Variants in PLD5 observed in about 807,000 individuals in gnomAD.
PLD5 encodes inactive phospholipase D5.
PLD5 carries 36 observed loss-of-function variants against 61.1 expected under a neutral mutation model. The ratio of observed to expected loss-of-function variants is 0.59; its 90% CI spans 0.45 to 0.78. PLD5 has a LOEUF of 0.78. Among genes scored for constraint, PLD5 ranks in the 30% least tolerant of loss-of-function variants. The pLI is 0.00. For missense variants in PLD5, 515 were observed against 644.4 expected, an observed-to-expected ratio of 0.80 and a Z score of 2.17; for synonymous variants, 243 against 242.8, an observed-to-expected ratio of 1.00 and a Z score of -0.01.
At chr1:242,522,669 T>A (rs766424452) in intron 1 of PLD5, among the ~76,000 whole-genome samples, 1 of 152,212 alleles carries the variant, frequency 6.6e-6, no homozygotes, top group African/African-American at 2.4e-5. Context: ...GCTCTTTGCA[T>A]GTAATGCATA....
At chr1:242,203,910 C>T (rs1669150794) in intron 5 of PLD5, among the ~76,000 whole-genome samples, 1 of 152,104 alleles carries the variant, frequency 6.6e-6, no homozygotes, top group African/African-American at 2.4e-5. Flanking sequence ...GTCTGTTTAA[C>T]TCATGAAATC....
At chr1:242,281,746 T>G (rs1284523576) in intron 3 of PLD5, among the ~76,000 whole-genome samples, 1 of 152,136 alleles carries the variant, frequency 6.6e-6, no homozygotes, top group East Asian at 1.9e-4. Context: ...ACAGTCCTTC[T>G]AGATGTTTTC....
intron 1 of PLD5, among the ~76,000 whole-genome samples, chr1:242,513,227 AG>A (rs1166809806): frequency 6.6e-6 from 1 of 152,186 alleles, no homozygotes; most frequent in Non-Finnish European, 1.5e-5. Context: ...TTCATCTGGC[AG>A]GTAGCATATG....
chr1:242,520,187 A>G (rs1669235657), intron 1 of PLD5, among the ~76,000 whole-genome samples: 1 of 152,210 alleles, frequency 6.6e-6, no homozygotes, highest in African/African-American at 2.4e-5. Flanking sequence ...AAATCATTAC[A>G]TGATTTTCCA....
At chr1:242,507,996 T>G (rs1668781335) in intron 1 of PLD5, among the ~76,000 whole-genome samples, 1 of 27,248 alleles carries the variant, frequency 3.7e-5, no homozygotes, top group South Asian at 6.0e-4. Flanking sequence ...TTTAATCTGT[T>G]TTTTTTTTTT....
At chr1:242,449,941 A>G (rs1666714617) in intron 1 of PLD5, among the ~76,000 whole-genome samples, 1 of 152,250 alleles carries the variant, frequency 6.6e-6, no homozygotes, top group African/African-American at 2.4e-5. Context: ...CCTGTGGCGT[A>G]GCGCTGTCAA....
At chr1:242,514,560 C>A (rs923281367) in intron 1 of PLD5, among the ~76,000 whole-genome samples, 1 of 151,850 alleles carries the variant, frequency 6.6e-6, no homozygotes, top group Non-Finnish European at 1.5e-5. Flanking sequence ...ATGTAACAAA[C>A]CTTCACATGT....
intron 1 of PLD5, among the ~76,000 whole-genome samples, chr1:242,452,091 A>AT (rs1666801674): frequency 6.6e-6 from 1 of 152,164 alleles, no homozygotes; most frequent in Non-Finnish European, 1.5e-5. Flanking sequence ...CTAGAAGTAC[A>AT]TTAATCACGG....
chr1:242,446,131 A>T (rs1403220572), intron 1 of PLD5, among the ~76,000 whole-genome samples: 1 of 152,068 alleles, frequency 6.6e-6, no homozygotes, highest in Admixed American at 6.6e-5. Context: ...TCACACAATG[A>T]GTGTAACATA....
At chr1:242,523,448 C>T (rs1183139711) in intron 1 of PLD5, among the ~76,000 whole-genome samples, 1 of 151,996 alleles carries the variant, frequency 6.6e-6, no homozygotes, top group African/African-American at 2.4e-5. Flanking sequence ...CCCCTCTCAC[C>T]GGCTCCCACC....
At chr1:242,182,541 A>G (rs887418944) in intron 5 of PLD5, among the ~76,000 whole-genome samples, 5 of 152,176 alleles carry the variant, frequency 3.3e-5, no homozygotes, top group African/African-American at 9.7e-5. Flanking sequence ...AAGGGCAAAT[A>G]GAAAACCAGC....
chr1:242,336,547 G>C (rs1266397523), intron 2 of PLD5, among the ~76,000 whole-genome samples: 2 of 152,174 alleles, frequency 1.3e-5, no homozygotes, highest in African/African-American at 4.8e-5. Context: ...ATGTCTATAT[G>C]CTCCCATCTG....
rs575129451 is a variant in PLD5 at position 242,232,012 on chromosome 1, G to A, written c.608-11897C>T. Among the ~76,000 whole-genome samples the A allele has an allele frequency of 2.9e-4, 44 of 150,516 alleles. No homozygotes were observed. The South Asian group carries it at 8.4e-3, about 29-fold the overall frequency. On this transcript the variant is annotated intron_variant, in intron 4 of 9. Transcript: ENST00000536534. ...AAAAATGACGAGACAGCTTAACTAA[G>A]ATATTCAAAATCTAATTGCGGTAGT...
At chr1:242,354,749 A>G (rs959844986) in intron 1 of PLD5, among the ~76,000 whole-genome samples, 6 of 151,926 alleles carry the variant, frequency 3.9e-5, no homozygotes, top group African/African-American at 1.5e-4. Context: ...CATTGAGTAT[A>G]ATGTTATCTG....
intron 5 of PLD5, among the ~76,000 whole-genome samples, chr1:242,136,821 T>G (rs575774815): frequency 6.6e-6 from 1 of 152,310 alleles, no homozygotes; most frequent in African/African-American, 2.4e-5. Context: ...GCAAAGTGAT[T>G]GTCTCAAATC....
At chr1:242,175,053 A>C (rs1214567057) in intron 5 of PLD5, among the ~76,000 whole-genome samples, 2 of 152,144 alleles carry the variant, frequency 1.3e-5, no homozygotes, top group African/African-American at 4.8e-5. Flanking sequence ...ATAAAAAAAA[A>C]CTATTCCAAA....
chr1:242,123,511 A>T (rs1182174717), intron 6 of PLD5, among the ~76,000 whole-genome samples: 3 of 152,022 alleles, frequency 2.0e-5, no homozygotes, highest in Non-Finnish European at 4.4e-5. Flanking sequence ...CACTGGGACC[A>T]CTCACACACA....
chr1:242,497,494 G>C (rs535775404), intron 1 of PLD5, among the ~76,000 whole-genome samples: 3 of 152,218 alleles, frequency 2.0e-5, no homozygotes, highest in African/African-American at 7.2e-5. Context: ...ATGGAGGCAG[G>C]TGGGGACAGA....
At chr1:242,488,068 A>G (rs1668023810) in intron 1 of PLD5, among the ~76,000 whole-genome samples, 1 of 152,188 alleles carries the variant, frequency 6.6e-6, no homozygotes. Context: ...CACTGACAAT[A>G]TCAATGCTCA....
Sources: gnomAD v4.1 joint callset for allele counts (sites outside exome capture counted in the v4.1 genomes callset) on GRCh38, gnomAD v4.1.1 for gene constraint, MANE v1.5 for transcripts, NCBI Gene and HGNC (gene_info 2026-07-23, HGNC 2026-07-21) for gene names.